The following CDH2 variants were observed in gnomAD, a reference collection of about 807,000 sequenced individuals.
CDH2 encodes cadherin-2.
A neutral mutation model predicts 92.0 loss-of-function variants in CDH2; 17 were observed. The ratio of observed to expected loss-of-function variants is 0.18; its 90% CI spans 0.13 to 0.28. The LOEUF (loss-of-function observed/expected upper bound fraction) is 0.28, where lower values mean the gene tolerates loss of function less well. CDH2 is among the 10% of genes least tolerant of loss of function. CDH2 has a pLI of 1.00. For synonymous variants in CDH2, 419 were observed against 415.9 expected (o/e 1.01, Z -0.09); for missense variants, 862 against 1,133.1 (o/e 0.76, Z 3.44).
At chr18:28,152,085 T>C (rs1309900351) in intron 1 of CDH2, among the ~76,000 whole-genome samples, 2 of 152,152 alleles carry the variant, frequency 1.3e-5, no homozygotes, top group Admixed American at 1.3e-4. Flanking sequence ...AGCAGGAGTG[T>C]AGTTTGCAGA....
At chr18:28,004,053 T>A (rs996925235) in intron 6 of CDH2, among the ~76,000 whole-genome samples, 5 of 152,260 alleles carry the variant, frequency 3.3e-5, no homozygotes, top group Admixed American at 3.3e-4. Context: ...CTGAACTAAC[T>A]GTGCTTTGGT....
intron 14 of CDH2, among the ~76,000 whole-genome samples, chr18:27,980,340 G>A (rs1015511642): frequency 1.3e-5 from 2 of 152,126 alleles, no homozygotes; most frequent in Non-Finnish European, 2.9e-5. Flanking sequence ...AGTTCCAAAA[G>A]GTGGATTGGG....
intron 2 of CDH2, among the ~76,000 whole-genome samples, chr18:28,055,486 A>G (rs576789035): frequency 6.6e-6 from 1 of 152,316 alleles, no homozygotes; most frequent in South Asian, 2.1e-4. Flanking sequence ...AAAGAGTGAT[A>G]GTGTAAAGGG....
In CDH2 at chr18:28,019,796, C is replaced by T. The variant is rs558220715; in HGVS notation, c.173-5887G>A. Among the ~76,000 whole-genome samples, 29 of 152,178 alleles carry T rather than the reference C, an allele frequency of 1.9e-4. No individual in the cohort carries two copies. In the South Asian group the frequency reaches 5.8e-3, roughly 30 times the overall value. On this transcript the variant is annotated intron_variant, in intron 2 of 15. Transcript: ENST00000269141. The stretch of plus-strand genomic sequence containing the variant: ...TCATTTGCTCAAATATTAAAATACA[C>T]AAAATCTTTTGGCATTATTCAGGCT...
chr18:28,056,557 A>G (rs191026759), intron 2 of CDH2, among the ~76,000 whole-genome samples: 1 of 152,086 alleles, frequency 6.6e-6, no homozygotes, highest in Admixed American at 6.5e-5. Context: ...AACTTTCTTT[A>G]TTTGTCTTTG....
chr18:28,089,793 A>G (rs1373137), intron 2 of CDH2, among the ~76,000 whole-genome samples: 11,675 of 152,196 alleles, frequency 0.077, 1,483 homozygotes, highest in African/African-American at 0.27. Flanking sequence ...TGCATTTAGC[A>G]ATAAATATTT....
chr18:28,056,511 T>C (rs1398519834), intron 2 of CDH2, among the ~76,000 whole-genome samples: 1 of 152,146 alleles, frequency 6.6e-6, no homozygotes, highest in Non-Finnish European at 1.5e-5. Context: ...AACTGGGTCC[T>C]CTCTATTAAA....
chr18:27,993,191 A>C lies in CDH2; in HGVS notation c.1158+309T>G, dbSNP rs960186409. ...AATTATATGCTGACAAAGTAGCATA[A>C]ATCAGTCATGCAGCTCATGCACCTG... is the stretch of plus-strand genomic sequence containing the variant. On this transcript the variant is annotated intron_variant, in intron 8 of 15. Transcript: ENST00000269141. Among the ~76,000 whole-genome samples the C allele has an allele frequency of 3.3e-5, 5 of 152,206 alleles. No individual in the cohort carries two copies. The East Asian group carries it at 9.6e-4, about 29-fold the overall frequency.
chr18:28,019,236 CACTAAAAA>C (rs1422165698), intron 2 of CDH2, among the ~76,000 whole-genome samples: 2 of 151,840 alleles, frequency 1.3e-5, no homozygotes, highest in South Asian at 2.1e-4. Flanking sequence ...CAGAAATCAC[CACTAAAAA>C]ACTTATTCAT....
At chr18:28,174,338 G>C (rs539160651) in intron 1 of CDH2, among the ~76,000 whole-genome samples, 7 of 152,084 alleles carry the variant, frequency 4.6e-5, no homozygotes, top group African/African-American at 1.7e-4. Flanking sequence ...TTGTTCGGGC[G>C]TGTAAAGCAG....
At position 27,993,653 on chromosome 18, in the gene CDH2, G is replaced by C. The variant is rs369227352; in HGVS notation, c.1021-16C>G. The C allele has an allele frequency of 4.4e-6, 7 of 1,589,684 alleles. No individual in the cohort carries two copies. The African/African-American group carries it at 8.1e-5, about 18-fold the overall frequency. On this transcript the variant is annotated splice_polypyrimidine_tract_variant and intron_variant, in intron 7 of 15. Coordinates refer to ENST00000269141, the MANE Select transcript of CDH2 (RefSeq NM_001792.5). ...GTTGCACTTTCTAAAAAGACATAAA[G>C]ATAAGAACTTAAATGAAACTAATTC...
At chr18:27,974,163 T>G (rs2011748881) in intron 14 of CDH2, among the ~76,000 whole-genome samples, 1 of 152,188 alleles carries the variant, frequency 6.6e-6, no homozygotes, top group Admixed American at 6.5e-5. Flanking sequence ...GAAAATCACC[T>G]CCTCTTTGTA....
chr18:28,170,041 C>G (rs1160098995), intron 1 of CDH2, among the ~76,000 whole-genome samples: 1 of 152,214 alleles, frequency 6.6e-6, no homozygotes, highest in Non-Finnish European at 1.5e-5. Context: ...CTATTATAAT[C>G]TCTCAGGCAC....
At chr18:28,091,329 A>G (rs1001045275) in intron 2 of CDH2, among the ~76,000 whole-genome samples, 1 of 152,242 alleles carries the variant, frequency 6.6e-6, no homozygotes, top group South Asian at 2.1e-4. Context: ...AAATGAAAAC[A>G]CCCCCTGACA....
At chr18:27,963,213 GCTTT>G in intron 15 of CDH2, 140 bp downstream of exon 15, 1 of 609,502 alleles carries the variant, frequency 1.6e-6, no homozygotes, top group Non-Finnish European at 2.7e-6. Context: ...AGCCACATTT[GCTTT>G]CACACAAGAT....
chr18:27,939,303 A>G (rs1006837429), intron 6 of CDH2, among the ~76,000 whole-genome samples: 1 of 152,172 alleles, frequency 6.6e-6, no homozygotes, highest in African/African-American at 2.4e-5. Flanking sequence ...CTTAAGAGCT[A>G]CATTACTTCT....
At position 27,963,431 on chromosome 18, in the gene CDH2, T is replaced by C. The variant is rs199674217; in HGVS notation, c.2440A>G (p.Ile814Val). ...ACCGGATACTGGGGCTCGGCGTGGATGGGTCTTTCATCCATTCGTCGGATT... is the reference window on the plus strand; with the variant it reads ...ACCGGATACTGGGGCTCGGCGTGGACGGGTCTTTCATCCATTCGTCGGATT... ...VGIRRMDERP[I>V]HAEPQYPVRS... is the part of the protein sequence containing the mutation. The change falls in exon 15 of 16, where the codon ATC becomes GTC. Residue 814 changes from isoleucine to valine, a missense_variant. By Grantham distance (29) the Ile-to-Val change is conservative. Transcript: ENST00000269141. 17 of 1,614,056 alleles carry C rather than the reference T, an allele frequency of 1.1e-5. No homozygotes were observed. Among genetic ancestry groups the C allele is most frequent in the Non-Finnish European group, 1.3e-5 (15 of 1,180,016 alleles).
At chr18:28,145,533 T>C (rs978791327) in intron 2 of CDH2, among the ~76,000 whole-genome samples, 8 of 152,074 alleles carry the variant, frequency 5.3e-5, no homozygotes, top group Non-Finnish European at 7.4e-5. Flanking sequence ...TGTATAGCTA[T>C]AGCATTGGAT....
rs931663068 is a variant in CDH2 at position 27,992,538 on chromosome 18, T to G, written c.1344+117A>C. The G allele has an allele frequency of 1.0e-5, 8 of 781,154 alleles. No homozygotes were observed. In the Admixed American group the frequency reaches 2.1e-4, roughly 21 times the overall value. The allele number at this position is 781,154 out of a possible 1,614,324, so 48.4% of individuals were successfully genotyped here. The stretch of plus-strand genomic sequence containing the variant: ...CCCAAATATATATCAGACCCACATC[T>G]GGAGATGTCTGAAAGAAAAACGTCC... On this transcript the variant is annotated intron_variant, in intron 9 of 15. Coordinates refer to ENST00000269141, the MANE Select transcript of CDH2 (RefSeq NM_001792.5).
Sources: gnomAD v4.1 joint callset for allele counts (sites outside exome capture counted in the v4.1 genomes callset) on GRCh38, gnomAD v4.1.1 for gene constraint, MANE v1.5 for transcripts, NCBI Gene and HGNC (gene_info 2026-07-23, HGNC 2026-07-21) for gene names.